WWP1: variants seen among roughly 807,000 people sequenced by gnomAD.
WWP1 encodes NEDD4-like E3 ubiquitin-protein ligase WWP1.
In WWP1, 49 loss-of-function variants were observed where a neutral mutation model predicts 130.6. The observed-to-expected ratio is 0.38, with a 90% CI of 0.30 to 0.48. The LOEUF is 0.48. Among genes scored for constraint, WWP1 ranks in the 20% least tolerant of loss-of-function variants. The pLI is 0.99. For synonymous variants in WWP1, 332 were observed against 367.8 expected, an observed-to-expected ratio of 0.90 and a Z score of 1.11; for missense variants, 809 against 1,100.6, an observed-to-expected ratio of 0.74 and a Z score of 3.75.
chr8:86,412,329 A>G (rs1036319868), intron 9 of WWP1, among the ~76,000 whole-genome samples: 2 of 152,192 alleles, frequency 1.3e-5, no homozygotes, highest in Non-Finnish European at 2.9e-5. Context: ...GCAGTTTTTC[A>G]TTGCTGGTTA....
At chr8:86,349,146 C>A (rs910112818) in intron 1 of WWP1, among the ~76,000 whole-genome samples, 1 of 152,128 alleles carries the variant, frequency 6.6e-6, no homozygotes, top group Non-Finnish European at 1.5e-5. Context: ...CTCAGCTTCC[C>A]GAGTAGCTGG....
At chr8:86,400,333 G>T (rs746118561) in intron 7 of WWP1, among the ~76,000 whole-genome samples, 2 of 149,476 alleles carry the variant, frequency 1.3e-5, no homozygotes, top group South Asian at 4.2e-4. Flanking sequence ...ACTTCGTCTC[G>T]GGGGGAAAAA....
intron 5 of WWP1, among the ~76,000 whole-genome samples, chr8:86,383,587 C>A (rs1277975070): frequency 6.6e-6 from 1 of 151,888 alleles, no homozygotes; most frequent in Admixed American, 6.6e-5. Flanking sequence ...ACCAAAAATA[C>A]AAAAATTAGC....
intron 5 of WWP1, among the ~76,000 whole-genome samples, chr8:86,387,683 C>T (rs992341068): frequency 7.9e-5 from 12 of 151,894 alleles, no homozygotes; most frequent in Middle Eastern, 3.4e-3. Flanking sequence ...CCACCATGTG[C>T]GGCTCATTTT....
At chr8:86,461,700 C>G (rs1811774911) in intron 23 of WWP1, 74 bp from the exon 24 acceptor site, 3 of 1,138,478 alleles carry the variant, frequency 2.6e-6, no homozygotes, top group Non-Finnish European at 1.3e-6. Context: ...GCAACATGTT[C>G]TATTATTTAA....
At chr8:86,343,078 C>T (rs1056895704) in intron 1 of WWP1, 148 bp downstream of exon 1, 18 of 281,238 alleles carry the variant, frequency 6.4e-5, no homozygotes, top group African/African-American at 3.8e-4. Context: ...ACGGTCCGCC[C>T]TACCTTGGCT....
intron 1 of WWP1, among the ~76,000 whole-genome samples, chr8:86,359,139 T>C (rs1168217958): frequency 1.3e-5 from 2 of 152,198 alleles, no homozygotes; most frequent in East Asian, 3.9e-4. Context: ...ATTAGAAATA[T>C]GTGTGAATAG....
intron 1 of WWP1, among the ~76,000 whole-genome samples, chr8:86,344,916 T>C (rs1413370325): frequency 6.6e-6 from 1 of 152,236 alleles, no homozygotes; most frequent in Non-Finnish European, 1.5e-5. Flanking sequence ...CTTATGACCT[T>C]GGATTTACCC....
At chr8:86,400,267 G>A (rs558304524) in intron 7 of WWP1, among the ~76,000 whole-genome samples, 4 of 152,078 alleles carry the variant, frequency 2.6e-5, no homozygotes, top group South Asian at 4.2e-4. Context: ...GGGAGGCGGA[G>A]GTTGCAGTGA....
chr8:86,445,949 GTCTTTTCTTT>G (rs1191146847), intron 18 of WWP1, among the ~76,000 whole-genome samples: 225 of 109,146 alleles, frequency 2.1e-3, no homozygotes, highest in African/African-American at 7.4e-3. Flanking sequence ...CTGCTTATAT[GTCTTTTCTTT>G]TCTTTTCTTT....
chr8:86,375,173 G>A (rs1427125632), intron 3 of WWP1, among the ~76,000 whole-genome samples: 1 of 152,146 alleles, frequency 6.6e-6, no homozygotes, highest in East Asian at 1.9e-4. Flanking sequence ...ACTCATTGCA[G>A]TTTAAGATTT....
At chr8:86,414,227 C>CTGTGTGTGTGTG (rs35397366) in intron 9 of WWP1, among the ~76,000 whole-genome samples, 1 of 150,946 alleles carries the variant, frequency 6.6e-6, no homozygotes. Flanking sequence ...GTTTGTTTTT[C>CTGTGTGTGTGTG]TGTGTGTGTG....
At position 86,468,433 on chromosome 8, in the gene WWP1, TAA is replaced by T; in HGVS notation, c.*1549_*1550del. 1 of 414,812 alleles carries T rather than the reference TAA, an allele frequency of 2.4e-6. No individual in the cohort carries two copies. The allele number at this position is 414,812 out of a possible 1,614,324, so 25.7% of individuals were successfully genotyped here. A position where few individuals can be genotyped will look rare whatever the true frequency, so the allele number is the denominator to read the frequency against. On this transcript the variant is annotated 3_prime_UTR_variant, in exon 25 of 25. Transcript: ENST00000517970. ...CTGGTAATTTTCAAGCCTAAAGAAT[TAA>T]AAAAAAAATTCTAATGTATGTGACA...
At chr8:86,458,133 G>A (rs1811558828) in intron 22 of WWP1, 108 bp downstream of exon 22, 1 of 867,932 alleles carries the variant, frequency 1.2e-6, no homozygotes, top group Admixed American at 2.8e-5. Flanking sequence ...TTTGGACACA[G>A]TTTATAATTT....
At chr8:86,460,117 C>T (rs917476271) in intron 22 of WWP1, among the ~76,000 whole-genome samples, 2 of 152,130 alleles carry the variant, frequency 1.3e-5, no homozygotes, top group Non-Finnish European at 2.9e-5. Context: ...ACCACCTTAC[C>T]CATTTATGTC....
chr8:86,456,686 G>A (rs972413702), intron 21 of WWP1, among the ~76,000 whole-genome samples: 11 of 151,866 alleles, frequency 7.2e-5, no homozygotes, highest in Non-Finnish European at 1.3e-4. Context: ...GCTAAAAATT[G>A]AAAGTAACCT....
intron 20 of WWP1, 71 bp from the exon 21 acceptor site, chr8:86,452,488 G>T (rs1811226889): frequency 1.5e-6 from 2 of 1,337,792 alleles, no homozygotes; most frequent in Non-Finnish European, 2.0e-6. Context: ...AACTATAGAA[G>T]TTCTTGGTGT....
intron 5 of WWP1, among the ~76,000 whole-genome samples, chr8:86,390,326 T>C (rs1807228791): frequency 6.6e-6 from 1 of 152,072 alleles, no homozygotes; most frequent in African/African-American, 2.4e-5. Flanking sequence ...CTCGGCACTT[T>C]GGGAGGCCAA....
chr8:86,392,149 T>C (rs1807384158), intron 5 of WWP1, among the ~76,000 whole-genome samples: 1 of 152,182 alleles, frequency 6.6e-6, no homozygotes, highest in Non-Finnish European at 1.5e-5. Context: ...GCAATGGTGG[T>C]AGTGGTGCTG....
Sources: gnomAD v4.1 joint callset for allele counts (sites outside exome capture counted in the v4.1 genomes callset) on GRCh38, gnomAD v4.1.1 for gene constraint, MANE v1.5 for transcripts, NCBI Gene and HGNC (gene_info 2026-07-23, HGNC 2026-07-21) for gene names.